CALN1: variants seen among roughly 807,000 people sequenced by gnomAD.
CALN1 encodes the protein calcium-binding protein 8.
Under a neutral mutation model 30.6 loss-of-function variants are expected in CALN1, and 17 were observed. The ratio of observed to expected loss-of-function variants is 0.56; its 90% CI spans 0.38 to 0.83. The LOEUF (loss-of-function observed/expected upper bound fraction) is 0.83. Ranked by LOEUF, CALN1 falls within the 40% of genes least tolerant of loss-of-function variation. The probability of loss-of-function intolerance (pLI) is 0.00; values close to 1 mark genes in which losing one functional copy is unlikely to be tolerated. For synonymous variants in CALN1, 156 were observed against 131.4 expected, an observed-to-expected ratio of 1.19 and a Z score of -1.28; for missense variants, 291 against 354.9, an observed-to-expected ratio of 0.82 and a Z score of 1.45.
chr7:72,209,145 C>A (rs1205015740), intron 3 of CALN1, among the ~76,000 whole-genome samples: 1 of 142,186 alleles, frequency 7.0e-6, no homozygotes, highest in Non-Finnish European at 1.5e-5. Context: ...CTCTTTCATT[C>A]CTTCCCCCCT....
chr7:72,309,255 TC>T (rs1382607105), intron 2 of CALN1, among the ~76,000 whole-genome samples: 1 of 152,210 alleles, frequency 6.6e-6, no homozygotes, highest in African/African-American at 2.4e-5. Flanking sequence ...CATTCATTTA[TC>T]CTAGAAATCC....
chr7:72,342,921 T>C (rs1236863093), intron 2 of CALN1, among the ~76,000 whole-genome samples: 3 of 152,324 alleles, frequency 2.0e-5, no homozygotes, highest in Admixed American at 6.5e-5. Context: ...CATCAAAGTA[T>C]GGAATCCAGG....
chr7:72,359,577 TAAC>T lies in CALN1; in HGVS notation c.119+43671_119+43673del, dbSNP rs527889130. The stretch of plus-strand genomic sequence containing the variant: ...GCCTCCTGGTATGACACAGTGAAGA[TAAC>T]AACACATGTATGCACTATTCCTGAC... On this transcript the variant is annotated intron_variant, in intron 2 of 6. Transcript: ENST00000395275. 1.1e-3 allele frequency among the ~76,000 whole-genome samples: 174 copies of T among 152,248 alleles called. 1 individual carries two copies. Among genetic ancestry groups the T allele is most frequent in the Admixed American group, 4.1e-3 (62 of 15,290 alleles).
intron 5 of CALN1, among the ~76,000 whole-genome samples, chr7:71,938,876 G>T (rs1391796565): frequency 6.6e-6 from 1 of 152,128 alleles, no homozygotes; most frequent in Non-Finnish European, 1.5e-5. Context: ...ATAGCAGGAG[G>T]GGGCCATGAG....
chr7:72,250,507 C>G (rs2129552008), intron 3 of CALN1, among the ~76,000 whole-genome samples: 1 of 152,286 alleles, frequency 6.6e-6, no homozygotes, highest in Middle Eastern at 3.4e-3. Flanking sequence ...TGGGGGCCAT[C>G]TGACATATAG....
intron 3 of CALN1, among the ~76,000 whole-genome samples, chr7:72,276,011 T>A (rs1462490738): frequency 6.6e-6 from 1 of 152,036 alleles, no homozygotes; most frequent in African/African-American, 2.4e-5. Context: ...AGAGAAATCA[T>A]CTCTTGATCA....
Position 71,858,906 on chromosome 7 carries a change from G to A in CALN1, c.502-48414C>T, listed in dbSNP as rs200537322. Reference sequence around the variant, plus strand: ...TCAGGACCTGCTGAGGCTGTGTCACGGGCACGTCCTTAACCTTGGCAAAAT... The same window carrying A: ...TCAGGACCTGCTGAGGCTGTGTCACAGGCACGTCCTTAACCTTGGCAAAAT... On this transcript the variant is annotated intron_variant, in intron 5 of 6. Transcript: ENST00000395275. Among the ~76,000 whole-genome samples, 41 of 152,206 alleles carry A rather than the reference G, an allele frequency of 2.7e-4. No homozygotes were observed. The East Asian group carries it at 7.3e-3, about 27-fold the overall frequency.
chr7:72,048,519 T>C (rs1802627580), intron 4 of CALN1, among the ~76,000 whole-genome samples: 2 of 152,196 alleles, frequency 1.3e-5, no homozygotes, highest in South Asian at 4.1e-4. Flanking sequence ...AGTTGAAATC[T>C]GCATGATATG....
the CALN1 span, among the ~76,000 whole-genome samples, chr7:72,503,161 AAATGTATATAATTGT>A: frequency 1.3e-5 from 2 of 152,146 alleles, no homozygotes; most frequent in Non-Finnish European, 2.9e-5. Flanking sequence ...AAGAAAAAAA[AAATGTATATAATTGT>A]AAACCTCTGG....
rs370454530 is a variant in CALN1, at chr7:72,288,921, T to C, written c.120-10111A>G. Among the ~76,000 whole-genome samples, 7 of 152,368 alleles carry C rather than the reference T, an allele frequency of 4.6e-5. No individual in the cohort carries two copies. The East Asian group carries it at 1.2e-3, about 25-fold the overall frequency. ...CACAAGTTTGCCAATTTTCTGCTCA[T>C]CATTGGTTCTTGCAGGCTACTCCTT... On this transcript the variant is annotated intron_variant, in intron 2 of 6. Coordinates refer to ENST00000395275, the MANE Select transcript of CALN1 (RefSeq NM_031468.4).
intron 4 of CALN1, among the ~76,000 whole-genome samples, chr7:72,044,519 T>C (rs1023521440): frequency 2.0e-5 from 3 of 151,776 alleles, no homozygotes; most frequent in Non-Finnish European, 4.4e-5. Flanking sequence ...GGCCTCTCAA[T>C]TGCATCAAAC....
intron 2 of CALN1, among the ~76,000 whole-genome samples, chr7:72,349,258 G>A (rs1391038549): frequency 6.6e-6 from 1 of 151,426 alleles, no homozygotes; most frequent in Non-Finnish European, 1.5e-5. Flanking sequence ...GAGAGAAAAA[G>A]AGAGAGACTG....
At chr7:72,056,929 T>TTTGTTG (rs759387324) in intron 4 of CALN1, among the ~76,000 whole-genome samples, 2 of 152,020 alleles carry the variant, frequency 1.3e-5, no homozygotes, top group African/African-American at 4.8e-5. Flanking sequence ...TTATTTCATT[T>TTTGTTG]TTGTTGTTGT....
At chr7:72,385,073 C>T (rs1429285213) in intron 2 of CALN1, among the ~76,000 whole-genome samples, 1 of 152,138 alleles carries the variant, frequency 6.6e-6, no homozygotes, top group Non-Finnish European at 1.5e-5. Flanking sequence ...CAGCGCTCGT[C>T]ATAGAGAATT....
chr7:72,387,952 T>C (rs1805339383), intron 2 of CALN1, among the ~76,000 whole-genome samples: 2 of 152,192 alleles, frequency 1.3e-5, no homozygotes, highest in African/African-American at 4.8e-5. Flanking sequence ...GAATAAGTTG[T>C]GTTCTATTGC....
intron 4 of CALN1, among the ~76,000 whole-genome samples, chr7:72,098,105 C>T (rs1183836897): frequency 6.6e-6 from 1 of 152,102 alleles, no homozygotes; most frequent in East Asian, 1.9e-4. Context: ...GCAAAGGACA[C>T]CTTGGGAATT....
At chr7:72,157,024 T>A (rs1787736622) in intron 3 of CALN1, among the ~76,000 whole-genome samples, 1 of 152,170 alleles carries the variant, frequency 6.6e-6, no homozygotes, top group Non-Finnish European at 1.5e-5. Flanking sequence ...TGAAATGACA[T>A]AAACGCCAGT....
At chr7:71,846,913 CAT>C (rs1366302029) in intron 5 of CALN1, among the ~76,000 whole-genome samples, 3 of 144,044 alleles carry the variant, frequency 2.1e-5, no homozygotes, top group Admixed American at 7.0e-5. Context: ...TATATACATA[CAT>C]ATATGTATAT....
intron 3 of CALN1, among the ~76,000 whole-genome samples, chr7:72,115,814 C>T (rs1807944658): frequency 6.6e-6 from 1 of 151,956 alleles, no homozygotes; most frequent in South Asian, 2.1e-4. Context: ...TTCCATCCCC[C>T]ACCTTCTCTC....
Sources: allele counts gnomAD v4.1 joint callset (sites outside exome capture counted in the v4.1 genomes callset), GRCh38; gene constraint gnomAD v4.1.1; transcripts MANE v1.5; gene names NCBI Gene and HGNC (gene_info 2026-07-23, HGNC 2026-07-21).